The following TXNDC9 variants were observed in gnomAD, a reference collection of about 807,000 sequenced individuals.
TXNDC9 encodes the protein thioredoxin domain-containing protein 9.
A neutral mutation model predicts 23.0 loss-of-function variants in TXNDC9; 7 were observed. That is an observed-to-expected ratio of 0.30 (90% CI 0.17 to 0.57). The LOEUF is 0.57. Among genes scored for constraint, TXNDC9 ranks in the 20% least tolerant of loss-of-function variants. TXNDC9 has a pLI of 0.90. For synonymous variants in TXNDC9, 72 were observed against 90.6 expected (o/e 0.79, Z 1.17); for missense variants, 198 against 252.6 (o/e 0.78, Z 1.47).
chr2:99,327,909 C>T (rs1172386775), intron 2 of TXNDC9, among the ~76,000 whole-genome samples: 2 of 151,408 alleles, frequency 1.3e-5, no homozygotes, highest in African/African-American at 4.9e-5. Flanking sequence ...TTCAGCCTCC[C>T]GAGTAGCTGG....
chr2:99,332,663 C>T (rs2094228846), intron 2 of TXNDC9: 1 of 180,814 alleles, frequency 5.5e-6, no homozygotes, highest in Non-Finnish European at 1.1e-5. Flanking sequence ...CTTAATTGCT[C>T]TTATCTCATC....
chr2:99,321,789 CTAA>C, intron 4 of TXNDC9, 163 bp downstream of exon 4: 2 of 752,198 alleles, frequency 2.7e-6, no homozygotes, highest in Middle Eastern at 3.8e-4. Context: ...TAAAATCACG[CTAA>C]TATTACACAC....
At chr2:99,325,690 G>A (rs1054568781) in intron 3 of TXNDC9, among the ~76,000 whole-genome samples, 2 of 152,038 alleles carry the variant, frequency 1.3e-5, no homozygotes, top group Non-Finnish European at 2.9e-5. Flanking sequence ...TCTACAAAAC[G>A]AACAATCTAG....
downstream of TXNDC9, among the ~76,000 whole-genome samples, chr2:99,315,033 C>CT (rs1257115434): frequency 6.8e-6 from 1 of 147,936 alleles, no homozygotes; most frequent in African/African-American, 2.5e-5. Flanking sequence ...GTAGCTGGGA[C>CT]TACAGGCGCC....
chr2:99,333,046 T>C lies in TXNDC9; in HGVS notation c.165A>G (p.Leu55=). 1 of 1,614,096 alleles carries C rather than the reference T, an allele frequency of 6.2e-7. No individual in the cohort carries two copies. Among genetic ancestry groups the C allele is most frequent in the East Asian group, 2.2e-5 (1 of 44,874 alleles). The change falls in exon 2 of 5, where the codon CTA becomes CTG. Residue 55 remains leucine, a synonymous_variant. Transcript: ENST00000264255. ...CTTGTTTCTGCTGTTGAGCTTTCCT[T>C]AGTGCCTGGAGTCTCTTTTCTTTAA... is the stretch of plus-strand genomic sequence containing the variant. ...ERLKEKRLQA[L]RKAQQQKQEW... is the part of the protein sequence containing the mutation.
chr2:99,307,109 ACTCTCTCTCTCTTT>A, the TXNDC9 span, among the ~76,000 whole-genome samples: 1 of 83,998 alleles, frequency 1.2e-5, no homozygotes, highest in African/African-American at 4.0e-5. Flanking sequence ...TCTCCTTCTC[ACTCTCTCTCTCTTT>A]CTCTCTCTCT....
chr2:99,327,525 A>G lies in TXNDC9; in HGVS notation c.308+10T>C. 2 of 1,585,524 alleles carry G rather than the reference A, an allele frequency of 1.3e-6. No homozygotes were observed. ...TTTTTAGAAAAAGTCACAGATGGAA[A>G]CAAAGTTACCTGAATGTGGAGTCTC... On this transcript the variant is annotated intron_variant, in intron 3 of 4. Coordinates refer to ENST00000264255, the MANE Select transcript of TXNDC9 (RefSeq NM_005783.4).
At chr2:99,329,771 C>T (rs551456670) in intron 2 of TXNDC9, among the ~76,000 whole-genome samples, 1 of 151,560 alleles carries the variant, frequency 6.6e-6, no homozygotes, top group African/African-American at 2.4e-5. Context: ...AGTTTGAGAA[C>T]AGCCTGGGCA....
downstream of TXNDC9, among the ~76,000 whole-genome samples, chr2:99,314,491 CAGG>C (rs2094184006): frequency 1.4e-5 from 2 of 144,130 alleles, no homozygotes; most frequent in South Asian, 4.6e-4. Flanking sequence ...TTAAAGTGTA[CAGG>C]AGAATATGTG....
At chr2:99,331,042 A>T (rs1490460641) in intron 2 of TXNDC9, among the ~76,000 whole-genome samples, 1 of 152,230 alleles carries the variant, frequency 6.6e-6, no homozygotes, top group Non-Finnish European at 1.5e-5. Flanking sequence ...ACTGTTTTGA[A>T]CTGCCAAAAA....
chr2:99,334,621 A>C (rs2105327631), intron 1 of TXNDC9, among the ~76,000 whole-genome samples: 1 of 152,352 alleles, frequency 6.6e-6, no homozygotes, highest in Admixed American at 6.5e-5. Context: ...TAAATACAGT[A>C]TTACAATCTC....
the TXNDC9 span, among the ~76,000 whole-genome samples, chr2:99,310,106 T>C: frequency 1.3e-4 from 20 of 152,212 alleles, no homozygotes; most frequent in African/African-American, 4.8e-4. Context: ...ATCATGACAA[T>C]AGTAGCACAA....
chr2:99,319,440 A>T lies in TXNDC9; in HGVS notation c.*242T>A. The T allele has an allele frequency of 5.7e-6, 2 of 350,884 alleles. No homozygotes were observed. The highest frequency in any genetic ancestry group is 1.0e-5 in the Non-Finnish European group (2 of 197,276). The allele number at this position is 350,884 out of a possible 1,614,324, so 21.7% of individuals were successfully genotyped here. The stretch of plus-strand genomic sequence containing the variant: ...AGATGTAAGAATCATATTGTGATAA[A>T]GTCAATCTCAAAAATAGAGAATCCA... On this transcript the variant is annotated 3_prime_UTR_variant, in exon 5 of 5. Transcript: ENST00000264255.
At chr2:99,327,356 G>C (rs548822599) in intron 3 of TXNDC9, among the ~76,000 whole-genome samples, 179 bp downstream of exon 3, 1 of 152,316 alleles carries the variant, frequency 6.6e-6, no homozygotes, top group South Asian at 2.1e-4. Flanking sequence ...TTGCAGGCTT[G>C]AGTCACTGGG....
chr2:99,309,729 C>T, the TXNDC9 span, among the ~76,000 whole-genome samples: 8 of 152,220 alleles, frequency 5.3e-5, no homozygotes, highest in African/African-American at 1.9e-4. Flanking sequence ...CTCTATTGCT[C>T]AGGCTGAAGT....
intron 1 of TXNDC9, among the ~76,000 whole-genome samples, chr2:99,335,766 A>G (rs1331921113): frequency 6.6e-6 from 1 of 152,250 alleles, no homozygotes; most frequent in Non-Finnish European, 1.5e-5. Flanking sequence ...GAGATTAAGA[A>G]GAGCTATTCT....
chr2:99,314,529 C>CGTTTTTTT (rs2094184121), downstream of TXNDC9, among the ~76,000 whole-genome samples: 1 of 97,446 alleles, frequency 1.0e-5, no homozygotes, highest in African/African-American at 3.9e-5. Flanking sequence ...AATACTACAC[C>CGTTTTTTT]TTTTTTTTTT....
At chr2:99,309,245 C>G in the TXNDC9 span, among the ~76,000 whole-genome samples, 229 of 151,396 alleles carry the variant, frequency 1.5e-3, 3 homozygotes, top group Non-Finnish European at 5.9e-4. Flanking sequence ...TGGTGGCACA[C>G]GATTGTAATC....
At chr2:99,315,357 G>A (rs1232249441), downstream of TXNDC9, among the ~76,000 whole-genome samples, 1 of 151,998 alleles carries the variant, frequency 6.6e-6, no homozygotes, top group African/African-American at 2.4e-5. Context: ...GAGCCACCGC[G>A]CCCGGCCCCT....
Sources: gnomAD v4.1 joint callset for allele counts (sites outside exome capture counted in the v4.1 genomes callset) on GRCh38, gnomAD v4.1.1 for gene constraint, MANE v1.5 for transcripts, NCBI Gene and HGNC (gene_info 2026-07-23, HGNC 2026-07-21) for gene names.